Variants in RAB43 observed in about 807,000 individuals in gnomAD.
RAB43 encodes ras-related protein Rab-43.
In RAB43, 6 loss-of-function variants were observed where a neutral mutation model predicts 18.8. The ratio of observed to expected loss-of-function variants is 0.32; its 90% CI spans 0.17 to 0.63. The LOEUF (loss-of-function observed/expected upper bound fraction) is 0.63, where lower values mean the gene tolerates loss of function less well. Ranked by LOEUF, RAB43 falls within the 30% of genes least tolerant of loss-of-function variation. The pLI is 0.79. For missense variants in RAB43, 195 were observed against 289.1 expected, an observed-to-expected ratio of 0.67 and a Z score of 2.36; for synonymous variants, 103 against 124.1, an observed-to-expected ratio of 0.83 and a Z score of 1.13.
rs1290507643 is a variant in RAB43 at position 129,091,208 on chromosome 3, A to T, written c.527T>A (p.Val176Glu). Residue 176 changes from valine to glutamate, a missense_variant, in exon 3 of 3, where the codon GTG becomes GAG. Transcript: ENST00000315150. Reference sequence around the variant, plus strand: ...GTGCCGCATGATGAGCTCCGTGGCCACCCTCAGGAAGGCCTCCTCCACGTT... The same window carrying T: ...GTGCCGCATGATGAGCTCCGTGGCCTCCCTCAGGAAGGCCTCCTCCACGTT... ...SSNVEEAFLRVATELIMRHGG... is the reference protein window; with the variant it reads ...SSNVEEAFLREATELIMRHGG... The T allele has an allele frequency of 6.3e-7, 1 of 1,586,728 alleles. No homozygotes were observed. Among genetic ancestry groups the T allele is most frequent in the Non-Finnish European group, 8.6e-7 (1 of 1,163,176 alleles).
chr3:129,109,758 A>AATT (rs1371499669), intron 1 of RAB43, among the ~76,000 whole-genome samples: 1 of 151,404 alleles, frequency 6.6e-6, no homozygotes, highest in Non-Finnish European at 1.5e-5. Flanking sequence ...TAATAATAAT[A>AATT]ATAATAATAT....
intron 1 of RAB43, among the ~76,000 whole-genome samples, chr3:129,105,233 A>C (rs1395766475): frequency 6.6e-6 from 1 of 152,200 alleles, no homozygotes; most frequent in Non-Finnish European, 1.5e-5. Flanking sequence ...TGGGCAGATT[A>C]CCTCAGGCCA....
chr3:129,104,566 G>A (rs900817705), intron 1 of RAB43, among the ~76,000 whole-genome samples: 4 of 152,342 alleles, frequency 2.6e-5, no homozygotes, highest in Non-Finnish European at 1.5e-5. Flanking sequence ...ACTCAGCAAG[G>A]GTTGGCAGGT....
At chr3:129,114,765 A>G (rs1239974452) in intron 1 of RAB43, among the ~76,000 whole-genome samples, 1 of 152,184 alleles carries the variant, frequency 6.6e-6, no homozygotes, top group Non-Finnish European at 1.5e-5. Flanking sequence ...TGGAGACAAA[A>G]GGTGGTAAAG....
At chr3:129,093,114 C>T (rs879878130) in intron 2 of RAB43, among the ~76,000 whole-genome samples, 6 of 151,856 alleles carry the variant, frequency 4.0e-5, no homozygotes, top group Admixed American at 1.3e-4. Context: ...CCTTGGCCTC[C>T]GCAGTAGCTG....
At chr3:129,116,743 T>G (rs1274444624) in intron 1 of RAB43, among the ~76,000 whole-genome samples, 1 of 152,182 alleles carries the variant, frequency 6.6e-6, no homozygotes, top group Non-Finnish European at 1.5e-5. Flanking sequence ...GAGCAGACAG[T>G]GAGCCTGAGA....
chr3:129,104,612 G>C (rs578140145), intron 1 of RAB43, among the ~76,000 whole-genome samples: 5 of 152,346 alleles, frequency 3.3e-5, no homozygotes, highest in African/African-American at 1.2e-4. Flanking sequence ...AAGGCTGCAA[G>C]GGTTTCAGTC....
At chr3:129,110,987 G>T (rs898199613) in intron 1 of RAB43, among the ~76,000 whole-genome samples, 1 of 151,660 alleles carries the variant, frequency 6.6e-6, no homozygotes, top group African/African-American at 2.4e-5. Flanking sequence ...TCAATCTGTT[G>T]ATGTATGCAC....
At chr3:129,092,590 A>G (rs1220086465) in intron 2 of RAB43, 1 of 671,644 alleles carries the variant, frequency 1.5e-6, no homozygotes, top group Admixed American at 2.2e-5. Context: ...GCAGGACTGC[A>G]TCTCTAAAAA....
intron 1 of RAB43, among the ~76,000 whole-genome samples, chr3:129,104,111 G>C (rs1036746228): frequency 6.6e-6 from 1 of 152,240 alleles, no homozygotes; most frequent in East Asian, 1.9e-4. Context: ...ATCTGGAGGA[G>C]AGTACTGAGG....
chr3:129,100,149 GAAC>G (rs765854347), intron 1 of RAB43, among the ~76,000 whole-genome samples: 1 of 152,144 alleles, frequency 6.6e-6, no homozygotes, highest in African/African-American at 2.4e-5. Flanking sequence ...CCATACATGG[GAAC>G]AACAATACAA....
At chr3:129,096,652 A>G (rs1934077770) in intron 1 of RAB43, among the ~76,000 whole-genome samples, 1 of 152,260 alleles carries the variant, frequency 6.6e-6, no homozygotes, top group Admixed American at 6.5e-5. Context: ...TTCATGGAAC[A>G]AGGAAAGAAT....
At chr3:129,115,555 C>G (rs1054485335) in intron 1 of RAB43, among the ~76,000 whole-genome samples, 1 of 152,066 alleles carries the variant, frequency 6.6e-6, no homozygotes, top group African/African-American at 2.4e-5. Flanking sequence ...CGCGGTGGCT[C>G]ACACCTGTAA....
chr3:129,109,933 T>C (rs1293405170), intron 1 of RAB43, among the ~76,000 whole-genome samples: 3 of 151,734 alleles, frequency 2.0e-5, no homozygotes, highest in Non-Finnish European at 4.4e-5. Flanking sequence ...GGTGCGATCC[T>C]GGCTCACTGC....
intron 1 of RAB43, among the ~76,000 whole-genome samples, chr3:129,111,653 A>G (rs1935181231): frequency 6.6e-6 from 1 of 152,130 alleles, no homozygotes; most frequent in Admixed American, 6.5e-5. Flanking sequence ...AAAGAAACCC[A>G]AAGAAAACTG....
At chr3:129,111,484 C>T (rs866040817) in intron 1 of RAB43, among the ~76,000 whole-genome samples, 3 of 148,282 alleles carry the variant, frequency 2.0e-5, no homozygotes, top group Non-Finnish European at 3.0e-5. Context: ...CACTGCACTC[C>T]GCCTGGGTGA....
intron 1 of RAB43, among the ~76,000 whole-genome samples, chr3:129,120,393 G>A (rs1485161237): frequency 6.6e-6 from 1 of 152,176 alleles, no homozygotes. Flanking sequence ...AGGGTGTCCT[G>A]AAGATCATGG....
chr3:129,122,150 T>C (rs1461147835), upstream of RAB43: 2 of 92,030 alleles, frequency 2.2e-5, no homozygotes, highest in Non-Finnish European at 4.3e-5. Context: ...CGACTCCGCC[T>C]TCAGCCCGAC....
chr3:129,103,010 G>T (rs2108001119), intron 1 of RAB43, among the ~76,000 whole-genome samples: 1 of 152,300 alleles, frequency 6.6e-6, no homozygotes, highest in Non-Finnish European at 1.5e-5. Flanking sequence ...GGACTCCTGG[G>T]GGTCCCGGCC....
Sources: gnomAD v4.1 joint callset for allele counts (sites outside exome capture counted in the v4.1 genomes callset) on GRCh38, gnomAD v4.1.1 for gene constraint, MANE v1.5 for transcripts, NCBI Gene and HGNC (gene_info 2026-07-23, HGNC 2026-07-21) for gene names.